MCF2L2: variants seen among roughly 807,000 people sequenced by gnomAD.
MCF2L2 encodes probable guanine nucleotide exchange factor MCF2L2.
In MCF2L2, 102 loss-of-function variants were observed where a neutral mutation model predicts 150.2. The ratio of observed to expected loss-of-function variants is 0.68; its 90% CI spans 0.58 to 0.80. The LOEUF is 0.80. Ranked by LOEUF, MCF2L2 falls within the 30% of genes least tolerant of loss-of-function variation. MCF2L2 has a pLI of 0.00. For synonymous variants in MCF2L2, 465 were observed against 491.3 expected (o/e 0.95, Z 0.71); for missense variants, 1,256 against 1,372.8 (o/e 0.91, Z 1.34).
chr3:183,348,414 TC>T (rs1428871481), intron 3 of MCF2L2, among the ~76,000 whole-genome samples: 2 of 66,910 alleles, frequency 3.0e-5, no homozygotes, highest in Non-Finnish European at 5.0e-5. Context: ...GGGTCGGGGG[TC>T]GGGTAGGGGG....
intron 3 of MCF2L2, chr3:183,375,246 C>T (rs904716947): frequency 6.6e-5 from 10 of 152,090 alleles, no homozygotes; most frequent in Admixed American, 5.2e-4. Flanking sequence ...AAAGTCAATG[C>T]GTTCCTCCTT....
At chr3:183,261,961 T>TAA (rs59219335) in intron 15 of MCF2L2, among the ~76,000 whole-genome samples, 123 of 112,114 alleles carry the variant, frequency 1.1e-3, no homozygotes, top group Non-Finnish European at 1.7e-3. Context: ...TGTCCAGCAT[T>TAA]AAAAAAAAAA....
At chr3:183,218,381 A>C (rs1262276983) in intron 21 of MCF2L2, among the ~76,000 whole-genome samples, 1 of 152,244 alleles carries the variant, frequency 6.6e-6, no homozygotes, top group Non-Finnish European at 1.5e-5. Context: ...CACGCCTGTA[A>C]TCCCAGCACT....
At chr3:183,198,558 T>C (rs1722150851) in intron 25 of MCF2L2, among the ~76,000 whole-genome samples, 1 of 152,228 alleles carries the variant, frequency 6.6e-6, no homozygotes. Flanking sequence ...TATCAGATTG[T>C]ACACTTTAAA....
chr3:183,224,208 A>G lies in MCF2L2; in HGVS notation c.2116-18T>C, dbSNP rs1295074271. ...TCTTCTTTCTAGGTGGGAAAAAATT[A>G]GAATAAATTAATCAGGCAGCATTTT... On this transcript the variant is annotated intron_variant, in intron 18 of 29. Coordinates refer to ENST00000328913, the MANE Select transcript of MCF2L2 (RefSeq NM_015078.4). 1 of 1,528,532 alleles carries G rather than the reference A, an allele frequency of 6.5e-7. No individual in the cohort carries two copies. Among genetic ancestry groups the G allele is most frequent in the Non-Finnish European group, 9.1e-7 (1 of 1,102,748 alleles). 94.7% of individuals were successfully genotyped at this position (1,528,532 alleles called of 1,614,324 possible).
At chr3:183,239,859 A>G (rs1208174584) in intron 15 of MCF2L2, among the ~76,000 whole-genome samples, 1 of 152,138 alleles carries the variant, frequency 6.6e-6, no homozygotes, top group Non-Finnish European at 1.5e-5. Flanking sequence ...TTGAGCCCAC[A>G]TTGCCAATGG....
intron 13 of MCF2L2, among the ~76,000 whole-genome samples, chr3:183,291,120 T>C (rs1728117440): frequency 6.6e-6 from 1 of 152,314 alleles, no homozygotes; most frequent in African/African-American, 2.4e-5. Flanking sequence ...GGCTCCTCCC[T>C]CTCTGTGGGA....
intron 2 of MCF2L2, among the ~76,000 whole-genome samples, chr3:183,382,865 G>A (rs1713615338): frequency 6.6e-6 from 1 of 152,176 alleles, no homozygotes; most frequent in African/African-American, 2.4e-5. Flanking sequence ...TCATGCACAG[G>A]TGAATTGAGA....
rs912468826 is a variant in MCF2L2 at position 183,371,647 on chromosome 3, T to C, written c.275+7650A>G. On this transcript the variant is annotated intron_variant, in intron 3 of 29. Transcript: ENST00000328913. ...CAGGCCCAGATAATTTTTCTTTTTT[T>C]TTTTTTTTTAAGTAGAGATGGGGTT... Among the ~76,000 whole-genome samples the C allele has an allele frequency of 1.9e-4, 29 of 151,608 alleles. 1 individual carries two copies. The highest frequency in any genetic ancestry group is 3.4e-4 in the Non-Finnish European group (23 of 67,894).
intron 3 of MCF2L2, among the ~76,000 whole-genome samples, chr3:183,367,869 C>G (rs751626302): frequency 1.3e-5 from 2 of 152,172 alleles, no homozygotes; most frequent in African/African-American, 2.4e-5. Context: ...TAAAGAAACA[C>G]AAGATACTGT....
chr3:183,325,223 A>T (rs575291175), intron 5 of MCF2L2, among the ~76,000 whole-genome samples: 1 of 151,988 alleles, frequency 6.6e-6, no homozygotes, highest in African/African-American at 2.4e-5. Flanking sequence ...CATATGTAAC[A>T]AACCTGCACA....
chr3:183,396,731 T>C (rs1714486557), intron 1 of MCF2L2, among the ~76,000 whole-genome samples: 1 of 151,150 alleles, frequency 6.6e-6, no homozygotes. Context: ...GACAAAACAA[T>C]AATAATAATT....
At chr3:183,338,063 A>G (rs966838464) in intron 5 of MCF2L2, among the ~76,000 whole-genome samples, 2 of 151,932 alleles carry the variant, frequency 1.3e-5, no homozygotes, top group Admixed American at 6.6e-5. Context: ...GTTTTGTTTC[A>G]CCTGTACAAC....
At chr3:183,194,034 G>C (rs1721999471) in intron 26 of MCF2L2, among the ~76,000 whole-genome samples, 1 of 152,128 alleles carries the variant, frequency 6.6e-6, no homozygotes, top group Non-Finnish European at 1.5e-5. Context: ...TGGTCTCATA[G>C]GGAGAAAATG....
chr3:183,191,208 C>CAA (rs1188717962), intron 27 of MCF2L2, among the ~76,000 whole-genome samples: 1 of 152,166 alleles, frequency 6.6e-6, no homozygotes, highest in Non-Finnish European at 1.5e-5. Context: ...TTTAGGTTCA[C>CAA]AGAAAAACTG....
At chr3:183,299,861 C>A in intron 11 of MCF2L2, 144 bp downstream of exon 11, 1 of 859,192 alleles carries the variant, frequency 1.2e-6, no homozygotes, top group South Asian at 1.7e-5. Context: ...AGGATCTGCA[C>A]AGTTTTTAAT....
chr3:183,200,782 T>C (rs1014558308), intron 25 of MCF2L2, among the ~76,000 whole-genome samples: 2 of 152,232 alleles, frequency 1.3e-5, no homozygotes, highest in African/African-American at 4.8e-5. Flanking sequence ...CTTTAATCCA[T>C]CTTGAATTCA....
intron 14 of MCF2L2, among the ~76,000 whole-genome samples, chr3:183,284,798 A>G (rs1727699193): frequency 6.6e-6 from 1 of 152,094 alleles, no homozygotes; most frequent in Non-Finnish European, 1.5e-5. Flanking sequence ...ATAATTCATA[A>G]CCTTCTCAGA....
intron 5 of MCF2L2, among the ~76,000 whole-genome samples, chr3:183,330,245 GAAAAA>G (rs200391954): frequency 1.7e-5 from 1 of 57,348 alleles, no homozygotes; most frequent in Non-Finnish European, 3.4e-5. Context: ...ACCCTGTCTT[GAAAAA>G]AAAAAAAAAA....
Sources: gnomAD v4.1 joint callset for allele counts (sites outside exome capture counted in the v4.1 genomes callset) on GRCh38, gnomAD v4.1.1 for gene constraint, MANE v1.5 for transcripts, NCBI Gene and HGNC (gene_info 2026-07-23, HGNC 2026-07-21) for gene names.